RHAG: variants seen among roughly 807,000 people sequenced by gnomAD.
RHAG encodes ammonium transporter Rh type A.
RHAG carries 25 observed loss-of-function variants against 42.4 expected under a neutral mutation model. The observed-to-expected ratio is 0.59, with a 90% CI of 0.43 to 0.82. The LOEUF (loss-of-function observed/expected upper bound fraction) is 0.82. Among genes scored for constraint, RHAG ranks in the 40% least tolerant of loss-of-function variants. RHAG has a pLI of 0.00. For missense variants in RHAG, 483 were observed against 504.6 expected (o/e 0.96, Z 0.41); for synonymous variants, 182 against 177.7 (o/e 1.02, Z -0.19).
At chr6:49,626,576 G>A (rs1407125897) in intron 1 of RHAG, among the ~76,000 whole-genome samples, 2 of 152,124 alleles carry the variant, frequency 1.3e-5, no homozygotes, top group African/African-American at 4.8e-5. Context: ...GGCTTTTCCA[G>A]GGGCACGGTG....
intron 3 of RHAG, 118 bp downstream of exon 3, chr6:49,617,950 A>G (rs1471244333): frequency 2.4e-6 from 2 of 850,812 alleles, no homozygotes; most frequent in Non-Finnish European, 3.9e-6. Context: ...TATTGTTACT[A>G]TTTGCTACGG....
Position 49,619,353 on chromosome 6 carries a change from T to C in RHAG, c.167A>G (p.Asp56Gly). Residue 56 changes from aspartate to glycine, a missense_variant, in exon 2 of 10, where the codon GAT becomes GGT. Asp to Gly is a moderately conservative substitution (Grantham distance 94, BLOSUM62 -1). Transcript: ENST00000371175. Reference protein sequence around the residue: ...IFFELYPLFQDVHVMIFVGFG... With the variant: ...IFFELYPLFQGVHVMIFVGFG... ...CCCAACAAATATCATAACATGTACATCTTGGAACACTGGAAAAGAGGAAAG... is the reference window on the plus strand; with the variant it reads ...CCCAACAAATATCATAACATGTACACCTTGGAACACTGGAAAAGAGGAAAG... 1.2e-6 allele frequency: 2 copies of C among 1,613,788 alleles called. No homozygotes were observed. Among genetic ancestry groups the C allele is most frequent in the Non-Finnish European group, 1.7e-6 (2 of 1,179,892 alleles).
rs754429417 is a variant in RHAG, at chr6:49,619,307, G to A, written c.213C>T (p.Phe71=). 1.1e-5 allele frequency: 17 copies of A among 1,614,008 alleles called. No homozygotes were observed. In the African/African-American group the frequency reaches 1.9e-4, roughly 18 times the overall value. The change falls in exon 2 of 10, where the codon TTC becomes TTT. Residue 71 remains phenylalanine (F), a synonymous_variant. Coordinates refer to ENST00000371175, the MANE Select transcript of RHAG (RefSeq NM_000324.3). ...CACTGCTGAAGCCATATTTCTTCAG[G>A]AAGGTCATGAGGAAGCCAAACCCAA... ...IFVGFGFLMT[F]LKKYGFSSVG... is the part of the protein sequence containing the mutation.
At position 49,612,410 on chromosome 6, in the gene RHAG, T is replaced by A; in HGVS notation, c.932A>T (p.Tyr311Phe). 6.2e-7 allele frequency: 1 copy of A among 1,614,200 alleles called. No individual in the cohort carries two copies. Reference protein sequence around the residue: ...SIAGMVSVLGYKFLTPLFTTK... With the variant: ...SIAGMVSVLGFKFLTPLFTTK... ...TGCTGTACTTACAGTCAGGAACTTG[T>A]ATCCAAGCACAGAGACCATTCCTGC... The change falls in exon 6 of 10, where the codon TAC (tyrosine) becomes TTC (phenylalanine). Residue 311 changes from tyrosine to phenylalanine, a missense_variant. Transcript: ENST00000371175.
At position 49,605,391 on chromosome 6, in the gene RHAG, A is replaced by T. The variant is rs1224622997; in HGVS notation, c.*422T>A. The T allele has an allele frequency of 4.6e-6, 1 of 217,658 alleles. No individual in the cohort carries two copies. Among genetic ancestry groups the T allele is most frequent in the Non-Finnish European group, 9.3e-6 (1 of 107,138 alleles). 13.5% of individuals were successfully genotyped at this position (217,658 alleles called of 1,614,324 possible). A position where few individuals can be genotyped will look rare whatever the true frequency, so the allele number is the denominator to read the frequency against. The stretch of plus-strand genomic sequence containing the variant: ...TTTACACACATGCATTTCTTTAATT[A>T]TTTTTTTACATAGATTTCTCACATC... On this transcript the variant is annotated 3_prime_UTR_variant, in exon 10 of 10. Coordinates refer to ENST00000371175, the MANE Select transcript of RHAG (RefSeq NM_000324.3).
chr6:49,628,539 CCGATG>C (rs1209551626), intron 1 of RHAG, among the ~76,000 whole-genome samples: 1 of 151,676 alleles, frequency 6.6e-6, no homozygotes, highest in East Asian at 1.9e-4. Context: ...TTCTGATGTT[CCGATG>C]CGTTCGGAGT....
chr6:49,629,933 C>T (rs1037475810), intron 1 of RHAG, among the ~76,000 whole-genome samples: 13 of 152,312 alleles, frequency 8.5e-5, no homozygotes, highest in South Asian at 2.1e-4. Flanking sequence ...GCCTCTCCCT[C>T]CACACCTCCC....
intron 3 of RHAG, among the ~76,000 whole-genome samples, chr6:49,616,527 C>G (rs1450162473): frequency 1.3e-5 from 2 of 152,078 alleles, no homozygotes; most frequent in African/African-American, 4.8e-5. Flanking sequence ...TGAAAACCAG[C>G]TGAGGTCCCA....
chr6:49,625,297 C>T (rs1045927781), intron 1 of RHAG, among the ~76,000 whole-genome samples: 6 of 152,200 alleles, frequency 3.9e-5, no homozygotes, highest in Non-Finnish European at 7.3e-5. Context: ...TGGAGGCAGA[C>T]AATCTGGGTT....
intron 7 of RHAG, among the ~76,000 whole-genome samples, chr6:49,608,021 GC>G (rs1272873957): frequency 6.6e-5 from 10 of 151,880 alleles, no homozygotes; most frequent in Non-Finnish European, 2.9e-5. Context: ...TAAAAAAACT[GC>G]ACAAGTAACA....
At chr6:49,619,503 T>G (rs1762717262) in intron 1 of RHAG, 141 bp from the exon 2 acceptor site, 1 of 869,874 alleles carries the variant, frequency 1.1e-6, no homozygotes. Flanking sequence ...GAAGCAAAAG[T>G]CTTGTTCCAA....
intron 1 of RHAG, among the ~76,000 whole-genome samples, chr6:49,629,829 C>T (rs1221304728): frequency 6.7e-6 from 1 of 148,326 alleles, no homozygotes; most frequent in Non-Finnish European, 1.5e-5. Flanking sequence ...GCAGGGCCAG[C>T]CGGCTGCTCC....
At chr6:49,609,940 A>G (rs1232555890) in intron 7 of RHAG, among the ~76,000 whole-genome samples, 1 of 152,176 alleles carries the variant, frequency 6.6e-6, no homozygotes, top group Non-Finnish European at 1.5e-5. Context: ...GAAGCTGGAA[A>G]CCATCATTCT....
intron 4 of RHAG, 133 bp from the exon 5 acceptor site, chr6:49,614,986 C>G (rs1762630231): frequency 8.2e-6 from 7 of 855,738 alleles, no homozygotes; most frequent in Non-Finnish European, 1.3e-5. Flanking sequence ...GTCCCTCTGT[C>G]ACCCAGGCTG....
rs938775247 is a variant in RHAG at position 49,611,220 on chromosome 6, C to A, written c.946-75G>T. On this transcript the variant is annotated intron_variant, in intron 6 of 9. Coordinates refer to ENST00000371175, the MANE Select transcript of RHAG (RefSeq NM_000324.3). ...CTCTAGAACTGAAACAGAGCTATAG[C>A]TGGGCTCTATTCTTCCATGGAGAAA... 5.0e-5 allele frequency: 62 copies of A among 1,228,658 alleles called. 2 individuals are homozygous for A. Among genetic ancestry groups the A allele is most frequent in the Non-Finnish European group, 6.6e-5 (55 of 835,994 alleles). 76.1% of individuals were successfully genotyped at this position (1,228,658 alleles called of 1,614,324 possible). A position where few individuals can be genotyped will look rare whatever the true frequency, so the allele number is the denominator to read the frequency against.
At chr6:49,620,460 G>T (rs7738369) in intron 1 of RHAG, among the ~76,000 whole-genome samples, 33,632 of 151,982 alleles carry the variant, frequency 0.22, 4,284 homozygotes, top group Non-Finnish European at 0.3. Flanking sequence ...CTGAAGGAAG[G>T]ATCTGGGCAG....
chr6:49,620,605 C>CAGGATGG (rs1762739176), intron 1 of RHAG, among the ~76,000 whole-genome samples: 1 of 152,054 alleles, frequency 6.6e-6, no homozygotes, highest in Non-Finnish European at 1.5e-5. Flanking sequence ...GAACTCGGCT[C>CAGGATGG]ACTGCAACCT....
chr6:49,605,730 A>G lies in RHAG; in HGVS notation c.*83T>C, dbSNP rs780915319. 5 of 1,242,996 alleles carry G rather than the reference A, an allele frequency of 4.0e-6. No homozygotes were observed. The South Asian group carries it at 6.0e-5, about 15-fold the overall frequency. 77.0% of individuals were successfully genotyped at this position (1,242,996 alleles called of 1,614,324 possible). A position where few individuals can be genotyped will look rare whatever the true frequency, so the allele number is the denominator to read the frequency against. On this transcript the variant is annotated 3_prime_UTR_variant, in exon 10 of 10. Transcript: ENST00000371175. ...TGGACTTGATTCTGGATAATGGGAA[A>G]GGAAGCTGGAGAGCAGGAATGGTGT...
rs1227501058 is a variant in RHAG at position 49,627,805 on chromosome 6, T to A, written c.158-8443A>T. 3.9e-5 allele frequency among the ~76,000 whole-genome samples: 6 copies of A among 152,068 alleles called. No homozygotes were observed. The East Asian group carries it at 1.2e-3, about 30-fold the overall frequency. ...AACTCCCCTTTATAAAACCATCAGATCTTGTGAGACTTCCTATCACAAGAA... is the reference window on the plus strand; with the variant it reads ...AACTCCCCTTTATAAAACCATCAGAACTTGTGAGACTTCCTATCACAAGAA... On this transcript the variant is annotated intron_variant, in intron 1 of 9. Transcript: ENST00000371175.
Sources: allele counts gnomAD v4.1 joint callset (sites outside exome capture counted in the v4.1 genomes callset), GRCh38; gene constraint gnomAD v4.1.1; transcripts MANE v1.5; gene names NCBI Gene and HGNC (gene_info 2026-07-23, HGNC 2026-07-21).